Variants in ERP44 observed in about 807,000 individuals in gnomAD.
ERP44 encodes endoplasmic reticulum protein 44.
A neutral mutation model predicts 53.4 loss-of-function variants in ERP44; 25 were observed. The ratio of observed to expected loss-of-function variants is 0.47; its 90% CI spans 0.34 to 0.65. The LOEUF (loss-of-function observed/expected upper bound fraction) is 0.65. Ranked by LOEUF, ERP44 falls within the 30% of genes least tolerant of loss-of-function variation. The pLI is 0.01. For missense variants in ERP44, 338 were observed against 493.2 expected (o/e 0.69, Z 2.98); for synonymous variants, 145 against 161.2 (o/e 0.90, Z 0.76).
At chr9:100,012,138 AAAG>A (rs1564089404) in intron 8 of ERP44, among the ~76,000 whole-genome samples, 3 of 152,204 alleles carry the variant, frequency 2.0e-5, no homozygotes, top group Admixed American at 2.0e-4. Context: ...AAACCAAAAA[AAAG>A]AGACTTTCCA....
intron 7 of ERP44, among the ~76,000 whole-genome samples, chr9:100,017,768 T>C (rs951857319): frequency 1.1e-4 from 17 of 152,232 alleles, no homozygotes; most frequent in Admixed American, 2.6e-4. Flanking sequence ...TACCATCACC[T>C]GGTAGGGCCT....
chr9:100,093,423 C>G (rs778266561), intron 1 of ERP44, among the ~76,000 whole-genome samples: 1 of 152,160 alleles, frequency 6.6e-6, no homozygotes, highest in Admixed American at 6.5e-5. Context: ...GCGGGTGGAT[C>G]GCTTGAGCCC....
intron 4 of ERP44, among the ~76,000 whole-genome samples, chr9:100,023,321 T>C (rs1254657814): frequency 6.7e-6 from 1 of 148,806 alleles, no homozygotes; most frequent in Non-Finnish European, 1.5e-5. Flanking sequence ...TTAAATAAAA[T>C]AGAGACACCT....
chr9:100,044,239 T>C (rs1487015054), intron 4 of ERP44, among the ~76,000 whole-genome samples: 1 of 152,174 alleles, frequency 6.6e-6, no homozygotes, highest in Non-Finnish European at 1.5e-5. Context: ...GTTCAACAAT[T>C]ACAACTGAAC....
intron 4 of ERP44, among the ~76,000 whole-genome samples, chr9:100,028,367 A>G (rs1830675756): frequency 1.3e-5 from 2 of 152,232 alleles, no homozygotes; most frequent in South Asian, 4.1e-4. Flanking sequence ...CAAGGCAGCA[A>G]GCATGACCAC....
At chr9:100,015,257 C>A (rs1199397139) in intron 8 of ERP44, among the ~76,000 whole-genome samples, 1 of 152,178 alleles carries the variant, frequency 6.6e-6, no homozygotes, top group African/African-American at 2.4e-5. Context: ...TATACACTTA[C>A]AATTCTTTGA....
intron 10 of ERP44, among the ~76,000 whole-genome samples, chr9:100,000,982 A>G (rs887385794): frequency 6.6e-6 from 1 of 152,144 alleles, no homozygotes; most frequent in East Asian, 1.9e-4. Flanking sequence ...GTTTCTTGCT[A>G]TAAAACTTCC....
At chr9:100,067,431 G>A (rs1410818105) in intron 1 of ERP44, among the ~76,000 whole-genome samples, 2 of 152,220 alleles carry the variant, frequency 1.3e-5, no homozygotes, top group African/African-American at 4.8e-5. Context: ...AACCGCGAGT[G>A]ATCCGCCAGC....
intron 4 of ERP44, among the ~76,000 whole-genome samples, chr9:100,027,214 A>T (rs912755273): frequency 5.3e-5 from 8 of 152,234 alleles, no homozygotes; most frequent in African/African-American, 1.9e-4. Flanking sequence ...GGCAAAAATC[A>T]CAAGAGTCTA....
intron 3 of ERP44, among the ~76,000 whole-genome samples, chr9:100,054,649 G>C (rs1010567422): frequency 6.6e-6 from 1 of 152,096 alleles, no homozygotes; most frequent in Non-Finnish European, 1.5e-5. Context: ...CGTATTTTTG[G>C]GGTTAGGGAT....
At chr9:100,023,879 G>A (rs777816537) in intron 4 of ERP44, among the ~76,000 whole-genome samples, 1 of 152,178 alleles carries the variant, frequency 6.6e-6, no homozygotes, top group South Asian at 2.1e-4. Context: ...TTTTGGCCAG[G>A]CCCAGGGGCT....
chr9:100,003,956 G>C (rs1247534520), intron 10 of ERP44, among the ~76,000 whole-genome samples: 2 of 152,222 alleles, frequency 1.3e-5, no homozygotes, highest in African/African-American at 4.8e-5. Flanking sequence ...CCTAGATCTT[G>C]GGTCCTTGGA....
chr9:100,032,728 C>T (rs1825805398), intron 4 of ERP44, among the ~76,000 whole-genome samples: 1 of 152,182 alleles, frequency 6.6e-6, no homozygotes, highest in South Asian at 2.1e-4. Context: ...TTGGCATCCA[C>T]AGACAATGTT....
intron 4 of ERP44, among the ~76,000 whole-genome samples, chr9:100,041,666 C>G (rs145449279): frequency 9.6e-4 from 146 of 152,060 alleles, no homozygotes; most frequent in African/African-American, 3.4e-3. Context: ...GATTCCGACT[C>G]AAAACAACAA....
rs1378766949 is a variant in ERP44 at position 99,981,226 on chromosome 9, T to C, written c.*1386A>G. On this transcript the variant is annotated 3_prime_UTR_variant, in exon 12 of 12. Coordinates refer to ENST00000262455, the MANE Select transcript of ERP44 (RefSeq NM_015051.3). ...CCCTTATCACCTTATTAACATTTAT[T>C]ATTTTGAATAAAACTATGGAAACTT... 6.6e-6 allele frequency: 1 copy of C among 152,260 alleles called. No homozygotes were observed. Among genetic ancestry groups the C allele is most frequent in the East Asian group, 1.9e-4 (1 of 5,204 alleles). 9.4% of individuals were successfully genotyped at this position (152,260 alleles called of 1,614,324 possible). A position where few individuals can be genotyped will look rare whatever the true frequency, so the allele number is the denominator to read the frequency against.
chr9:100,074,993 T>C (rs1447704949), intron 1 of ERP44, among the ~76,000 whole-genome samples: 7 of 152,170 alleles, frequency 4.6e-5, no homozygotes, highest in Non-Finnish European at 1.5e-5. Flanking sequence ...GTGAGGGCGA[T>C]GATGGTGGGA....
intron 1 of ERP44, among the ~76,000 whole-genome samples, chr9:100,066,277 G>A (rs10217715): frequency 0.058 from 8,847 of 152,220 alleles, 357 homozygotes; most frequent in Non-Finnish European, 0.089. Flanking sequence ...TGTGCTTTTA[G>A]AAAAATGTAG....
At chr9:100,043,291 A>AAAAAAG (rs1168903331) in intron 4 of ERP44, among the ~76,000 whole-genome samples, 1,511 of 74,898 alleles carry the variant, frequency 0.02, 523 homozygotes, top group African/African-American at 0.068. Flanking sequence ...AAAAAAAAAA[A>AAAAAAG]GATAAATAAG....
intron 1 of ERP44, among the ~76,000 whole-genome samples, chr9:100,067,326 G>A (rs1433602608): frequency 1.3e-5 from 2 of 152,170 alleles, no homozygotes; most frequent in Admixed American, 6.5e-5. Flanking sequence ...CAGTGCCTGC[G>A]ACTGCAGGCG....
Sources: allele counts gnomAD v4.1 joint callset (sites outside exome capture counted in the v4.1 genomes callset), GRCh38; gene constraint gnomAD v4.1.1; transcripts MANE v1.5; gene names NCBI Gene and HGNC (gene_info 2026-07-23, HGNC 2026-07-21).